ESR1: variants seen among roughly 807,000 people sequenced by gnomAD.
The protein encoded by ESR1 is estrogen receptor.
Under a neutral mutation model 52.7 loss-of-function variants are expected in ESR1, and 12 were observed. The ratio of observed to expected loss-of-function variants is 0.23; its 90% CI spans 0.15 to 0.37. ESR1 has a LOEUF of 0.37. Among genes scored for constraint, ESR1 ranks in the 10% least tolerant of loss-of-function variants. The probability of loss-of-function intolerance (pLI) is 1.00; values close to 1 mark genes in which losing one functional copy is unlikely to be tolerated. For synonymous variants in ESR1, 305 were observed against 316.8 expected, an observed-to-expected ratio of 0.96 and a Z score of 0.39; for missense variants, 584 against 779.7, an observed-to-expected ratio of 0.75 and a Z score of 2.99.
intron 4 of ESR1, among the ~76,000 whole-genome samples, chr6:151,994,215 C>T (rs960687604): frequency 1.3e-5 from 2 of 152,074 alleles, no homozygotes; most frequent in Admixed American, 1.3e-4. Flanking sequence ...TGCCAAATAC[C>T]TTCTCCTTTC....
chr6:151,807,484 T>C (rs995172566), upstream of ESR1: 15 of 263,848 alleles, frequency 5.7e-5, no homozygotes, highest in Admixed American at 3.6e-4. Flanking sequence ...AAACTCAGCC[T>C]CTATCCAGCA....
chr6:151,862,329 A>G (rs557574964), intron 2 of ESR1, among the ~76,000 whole-genome samples: 34 of 152,272 alleles, frequency 2.2e-4, no homozygotes, highest in African/African-American at 7.0e-4. Flanking sequence ...GGAAGTGAGG[A>G]GTGTCACCTG....
chr6:151,753,420 C>A (rs962703501), intron 2 of ESR1, among the ~76,000 whole-genome samples: 1 of 151,372 alleles, frequency 6.6e-6, no homozygotes, highest in Non-Finnish European at 1.5e-5. Flanking sequence ...GTGGTTCAAG[C>A]GATTCTCCTG....
chr6:151,715,738 C>T (rs570585301), intron 2 of ESR1, among the ~76,000 whole-genome samples: 14 of 152,208 alleles, frequency 9.2e-5, no homozygotes, highest in Non-Finnish European at 1.8e-4. Flanking sequence ...TTCCTCTATC[C>T]TTTTTTCAAG....
intron 1 of ESR1, among the ~76,000 whole-genome samples, chr6:151,693,773 A>T (rs921184827): frequency 3.3e-5 from 5 of 152,092 alleles, no homozygotes; most frequent in Admixed American, 2.6e-4. Flanking sequence ...ATGTGCCACC[A>T]TGGCCAGCTA....
rs184843436 is a variant in ESR1 at position 151,748,007 on chromosome 6, A to G, written c.-71+46002A>G. Among the ~76,000 whole-genome samples the G allele has an allele frequency of 4.9e-4, 74 of 152,286 alleles. 1 individual carries two copies. Among genetic ancestry groups the G allele is most frequent in the Middle Eastern group, 3.4e-3 (1 of 294 alleles). On this transcript the variant is annotated intron_variant, in intron 2 of 2. Transcript: ENST00000404742. ...TCTTGAGTATATGCCTAATAGAGAA[A>G]TTTCTGAGTCATATGGTAACCCTAT... is the stretch of plus-strand genomic sequence containing the variant.
At chr6:152,079,116 C>A (rs895484608) in intron 6 of ESR1, among the ~76,000 whole-genome samples, 1 of 152,212 alleles carries the variant, frequency 6.6e-6, no homozygotes, top group Non-Finnish European at 1.5e-5. Flanking sequence ...TCTGACACCT[C>A]TGAAGAGGGC....
Position 152,084,422 on chromosome 6 carries a change from A to T in ESR1, c.1370-9963A>T, listed in dbSNP as rs192088881. Among the ~76,000 whole-genome samples the T allele has an allele frequency of 5.4e-5, 5 of 91,894 alleles. No individual in the cohort carries two copies. The East Asian group carries it at 1.5e-3, about 27-fold the overall frequency. The allele number at this position is 91,894 out of a possible 152,430, so 60.3% of individuals were successfully genotyped here. On this transcript the variant is annotated intron_variant, in intron 6 of 7. Transcript: ENST00000206249. ...TGTACCCTAGAACTTAAAGTATAAT[A>T]AAAAAAAAAGAAAGAAAAGAAAAGA...
intron 3 of ESR1, among the ~76,000 whole-genome samples, chr6:151,895,425 C>T (rs1322393427): frequency 6.6e-6 from 1 of 152,032 alleles, no homozygotes; most frequent in Admixed American, 6.5e-5. Flanking sequence ...ACTTCTGGTA[C>T]TGTGTTGAAT....
At chr6:152,068,697 A>G (rs1419562827) in intron 6 of ESR1, among the ~76,000 whole-genome samples, 1 of 152,236 alleles carries the variant, frequency 6.6e-6, no homozygotes, top group Non-Finnish European at 1.5e-5. Context: ...ATGAGAATCC[A>G]TCTTTAATTC....
At chr6:151,671,053 CCACTG>C (rs371235069) in intron 1 of ESR1, among the ~76,000 whole-genome samples, 1 of 152,134 alleles carries the variant, frequency 6.6e-6, no homozygotes, top group African/African-American at 2.4e-5. Context: ...TAGGCATGAG[CCACTG>C]CACCTGGCCG....
In ESR1 at chr6:152,094,631, G is replaced by A. The variant is rs1296205249; in HGVS notation, c.1553+63G>A. 1.3e-6 allele frequency: 2 copies of A among 1,516,156 alleles called. No individual in the cohort carries two copies. Among genetic ancestry groups the A allele is most frequent in the East Asian group, 4.6e-5 (2 of 43,816 alleles). 93.9% of individuals were successfully genotyped at this position (1,516,156 alleles called of 1,614,324 possible). On this transcript the variant is annotated intron_variant, in intron 7 of 7. Coordinates refer to ENST00000206249, the MANE Select transcript of ESR1 (RefSeq NM_000125.4). The surrounding 1 kb of genome is among the most constrained non-coding windows in gnomAD (Gnocchi z 4.6). Reference sequence around the variant, plus strand: ...AGAAAACATGCCCCCAAACCTATGTGACAGCTGGCCGGGAAGGACTGGTGC... The same window carrying A: ...AGAAAACATGCCCCCAAACCTATGTAACAGCTGGCCGGGAAGGACTGGTGC...
intron 6 of ESR1, among the ~76,000 whole-genome samples, chr6:152,084,970 G>C (rs2049580081): frequency 6.6e-6 from 1 of 152,174 alleles, no homozygotes; most frequent in Admixed American, 6.5e-5. Flanking sequence ...ATGCACTGAA[G>C]CCCTTACCGC....
Position 152,035,584 on chromosome 6 carries a change from GTACCAAAGA to G in ESR1, c.1235+23793_1235+23801del, listed in dbSNP as rs578160265. On this transcript the variant is annotated intron_variant, in intron 5 of 7. Coordinates refer to ENST00000206249, the MANE Select transcript of ESR1 (RefSeq NM_000125.4). ...TTAAAATGTATATGGAAAAGGCTAA[GTACCAAAGA>G]TAATCAAATGCTCTTGGAAGATGAA... Among the ~76,000 whole-genome samples, 361 of 152,208 alleles carry G rather than the reference GTACCAAAGA, an allele frequency of 2.4e-3. 2 individuals are homozygous for G. The highest frequency in any genetic ancestry group is 8.4e-3 in the African/African-American group (348 of 41,564).
At chr6:151,802,284 C>T (rs1336430896), upstream of ESR1, among the ~76,000 whole-genome samples, 2 of 152,036 alleles carry the variant, frequency 1.3e-5, no homozygotes, top group Non-Finnish European at 2.9e-5. Flanking sequence ...GTTATTTTTC[C>T]ACATTAGAGG....
chr6:151,838,898 G>A (rs1178577612), intron 1 of ESR1, among the ~76,000 whole-genome samples: 1 of 152,160 alleles, frequency 6.6e-6, no homozygotes, highest in Non-Finnish European at 1.5e-5. Context: ...GCATTTTGCT[G>A]ACAGCATACA....
intron 4 of ESR1, among the ~76,000 whole-genome samples, chr6:151,980,008 A>AT (rs35655554): frequency 2.0e-5 from 3 of 151,992 alleles, no homozygotes; most frequent in Non-Finnish European, 2.9e-5. Context: ...ATTTGCATGT[A>AT]TTTTTTTTAA....
chr6:151,868,525 A>C (rs1475453071), intron 2 of ESR1, among the ~76,000 whole-genome samples: 1 of 152,064 alleles, frequency 6.6e-6, no homozygotes, highest in African/African-American at 2.4e-5. Context: ...ATGTGTACCA[A>C]ATATTTAGCT....
At chr6:151,884,538 T>C (rs1408643144) in intron 3 of ESR1, among the ~76,000 whole-genome samples, 1 of 152,236 alleles carries the variant, frequency 6.6e-6, no homozygotes. Context: ...ACCTACTCCC[T>C]ATTTTCATAG....
Sources: allele counts gnomAD v4.1 joint callset (sites outside exome capture counted in the v4.1 genomes callset), GRCh38; gene constraint gnomAD v4.1.1; non-coding constraint Gnocchi (gnomAD v3.1); transcripts MANE v1.5; gene names NCBI Gene and HGNC (gene_info 2026-07-23, HGNC 2026-07-21).